The following PLEKHG4 variants were observed in gnomAD, a reference collection of about 807,000 sequenced individuals.
PLEKHG4 encodes the protein pleckstrin homology and RhoGEF domain containing G4, also known as puratrophin-1.
Under a neutral mutation model 136.9 loss-of-function variants are expected in PLEKHG4, and 85 were observed. That is an observed-to-expected ratio of 0.62 (90% confidence interval 0.52 to 0.74). PLEKHG4 has a LOEUF of 0.74. Among genes scored for constraint, PLEKHG4 ranks in the 30% least tolerant of loss-of-function variants. The pLI is 0.00. For missense variants in PLEKHG4, 1,317 were observed against 1,527.8 expected (o/e 0.86, Z 2.30); for synonymous variants, 577 against 646.9 (o/e 0.89, Z 1.64).
At position 67,281,798 on chromosome 16, in the gene PLEKHG4, C is replaced by G. The variant is rs2036240483; in HGVS notation, c.966C>G (p.Gly322=). Residue 322 remains glycine, a synonymous_variant, in exon 7 of 22, where the codon GGC becomes GGG. Transcript: ENST00000379344. ...TAGLPTSLGG[G]LPYCHQAWLD... ...GGCTGCCCACTTCGCTAGGAGGAGG[C>G]CTGCCTTACTGCCACCAGGCCTGGC... 2.5e-6 allele frequency: 4 copies of G among 1,613,574 alleles called. No individual in the cohort carries two copies. The highest frequency in any genetic ancestry group is 1.7e-5 in the Admixed American group (1 of 60,008).
chr16:67,285,176 T>C lies in PLEKHG4; in HGVS notation c.2156T>C (p.Val719Ala). The C allele has an allele frequency of 2.5e-6, 4 of 1,613,530 alleles. No homozygotes were observed. Among genetic ancestry groups the C allele is most frequent in the Non-Finnish European group, 2.5e-6 (3 of 1,179,982 alleles). ...GCCCTGCCCCAGGCATCCCCTACTGTGCCTCCACCAGGCAGCTCTGACCCC... is the reference window on the plus strand; with the variant it reads ...GCCCTGCCCCAGGCATCCCCTACTGCGCCTCCACCAGGCAGCTCTGACCCC... Reference protein sequence around the residue: ...GGALPQASPTVPPPGSSDPRS... With the variant: ...GGALPQASPTAPPPGSSDPRS... The change falls in exon 13 of 22, where the codon GTG (valine) becomes GCG (alanine). Residue 719 changes from valine (V) to alanine (A), a missense_variant. Val to Ala is a moderately conservative substitution (Grantham distance 64). Coordinates refer to ENST00000379344, the MANE Select transcript of PLEKHG4 (RefSeq NM_001129729.3).
chr16:67,286,147 G>T lies in PLEKHG4; in HGVS notation c.2443-127G>T, dbSNP rs1337720331. ...GTTCAAAGCAGGGAAGACTGGGTCTGTAGGGGAGGCCTCCCTAAGAGGCAT... is the reference window on the plus strand; with the variant it reads ...GTTCAAAGCAGGGAAGACTGGGTCTTTAGGGGAGGCCTCCCTAAGAGGCAT... On this transcript the variant is annotated intron_variant, in intron 14 of 21. Transcript: ENST00000379344. 7 of 744,382 alleles carry T rather than the reference G, an allele frequency of 9.4e-6. No homozygotes were observed. The Admixed American group carries it at 1.3e-4, about 14-fold the overall frequency. The allele number at this position is 744,382 out of a possible 1,614,324, so 46.1% of individuals were successfully genotyped here.
In PLEKHG4 at chr16:67,280,017, C is replaced by T. The variant is rs1428814851; in HGVS notation, c.-28C>T. On this transcript the variant is annotated 5_prime_UTR_variant, in exon 2 of 22. Coordinates refer to ENST00000379344, the MANE Select transcript of PLEKHG4 (RefSeq NM_001129729.3). This position sits in a 1 kb window ranked among gnomAD's most constrained non-coding sequence, Gnocchi z 4.4. ...AGACCCAGCCCTCTCCCGCTGGCCC[C>T]GAGCAGGCCCACCTTTAGGAGGGCG... 2.5e-6 allele frequency: 4 copies of T among 1,608,306 alleles called. No homozygotes were observed. The highest frequency in any genetic ancestry group is 2.2e-5 in the East Asian group (1 of 44,700).
Position 67,287,141 on chromosome 16 carries a change from T to G in PLEKHG4, c.3067T>G (p.Ser1023Ala). The G allele has an allele frequency of 6.2e-7, 1 of 1,610,836 alleles. No individual in the cohort carries two copies. Among genetic ancestry groups the G allele is most frequent in the Non-Finnish European group, 8.5e-7 (1 of 1,180,016 alleles). The part of the protein sequence containing the change: ...AIKQAWTADI[S>A]HLLWRQAVHN... Reference sequence around the variant, plus strand: ...CAAGCAGGCCTGGACAGCTGACATCTCCCACCTGCTTTGGAGGCAGGCCGT... The same window carrying G: ...CAAGCAGGCCTGGACAGCTGACATCGCCCACCTGCTTTGGAGGCAGGCCGT... Residue 1023 changes from serine (S) to alanine (A), a missense_variant, in exon 18 of 22, where the codon TCC becomes GCC. Physicochemically the swap from Ser to Ala is moderately conservative, Grantham distance 99. Coordinates refer to ENST00000379344, the MANE Select transcript of PLEKHG4 (RefSeq NM_001129729.3).
chr16:67,286,131 A>C, intron 14 of PLEKHG4, 143 bp from the exon 15 acceptor site: 1 of 713,504 alleles, frequency 1.4e-6, no homozygotes, highest in Non-Finnish European at 2.6e-6. Context: ...TGTTCAAAGC[A>C]GGGAAGACTG....
chr16:67,288,213 C>T lies in PLEKHG4; in HGVS notation c.3267C>T (p.Asp1089=). The change falls in exon 20 of 22, where the codon GAC becomes GAT. Residue 1089 remains aspartate (D), a synonymous_variant. Coordinates refer to ENST00000379344, the MANE Select transcript of PLEKHG4 (RefSeq NM_001129729.3). ...ASIAVAPFDH[D]SLYLGASNSL... ...TTGCCGTAGCCCCGTTTGACCATGA[C>T]AGCCTCTACCTGGGGGCCTCGAACT... 6.2e-7 allele frequency: 1 copy of T among 1,614,098 alleles called. No homozygotes were observed. Among genetic ancestry groups the T allele is most frequent in the Non-Finnish European group, 8.5e-7 (1 of 1,180,006 alleles).
In PLEKHG4 at chr16:67,288,399, G is replaced by C. The variant is rs553521262; in HGVS notation, c.3453G>C (p.Leu1151Phe). Residue 1151 changes from leucine to phenylalanine, a missense_variant and splice_region_variant, in exon 20 of 22, where the codon TTG (leucine) becomes TTC (phenylalanine). Coordinates refer to ENST00000379344, the MANE Select transcript of PLEKHG4 (RefSeq NM_001129729.3). ...AEAELGGQPS[L>F]TAEDSEISSQ... ...CAGAGCTGGGCGGCCAGCCCTCTTT[G>C]AGTATGTCTGGGCCTAGCCAGAGGC... The C allele has an allele frequency of 2.4e-5, 39 of 1,612,256 alleles. No homozygotes were observed. In the South Asian group the frequency reaches 4.2e-4, roughly 17 times the overall value.
Position 67,284,315 on chromosome 16 carries a change from C to G in PLEKHG4, c.1550C>G (p.Thr517Ser). 1.2e-6 allele frequency: 2 copies of G among 1,613,928 alleles called. No individual in the cohort carries two copies. Among genetic ancestry groups the G allele is most frequent in the Non-Finnish European group, 8.5e-7 (1 of 1,179,940 alleles). Reference protein sequence around the residue: ...RQGEKFLQPLTGWEAAELDPP... With the variant: ...RQGEKFLQPLSGWEAAELDPP... ...GGGGAGAAGTTTCTGCAGCCGCTGA[C>G]TGGCTGGGAGGCGGCTGAACTGGAC... Residue 517 changes from threonine to serine, a missense_variant, in exon 12 of 22, where the codon ACT (threonine) becomes AGT (serine). By Grantham distance (58) the Thr-to-Ser change is moderately conservative. Coordinates refer to ENST00000379344, the MANE Select transcript of PLEKHG4 (RefSeq NM_001129729.3). The surrounding 1 kb of genome is among the most constrained non-coding windows in gnomAD (Gnocchi z 4.4).
In PLEKHG4 at chr16:67,280,105, T is replaced by C. The variant is rs1178159184; in HGVS notation, c.61T>C (p.Trp21Arg). Residue 21 changes from tryptophan (W) to arginine (R), a missense_variant, in exon 2 of 22, where the codon TGG becomes CGG. By Grantham distance (101) the Trp-to-Arg change is moderately radical (BLOSUM62 -3). Transcript: ENST00000379344. The surrounding 1 kb of genome is among the most constrained non-coding windows in gnomAD (Gnocchi z 4.4). Reference sequence around the variant, plus strand: ...AGACTCTCAGGGCCATGCCACCGACTGGAGATTTGCTGTGTGCAGTTTCAG... The same window carrying C: ...AGACTCTCAGGGCCATGCCACCGACCGGAGATTTGCTGTGTGCAGTTTCAG... ...SPDSQGHATD[W>R]RFAVCSFRDA... is the part of the protein sequence containing the mutation. 2.5e-6 allele frequency: 4 copies of C among 1,613,680 alleles called. No individual in the cohort carries two copies. The highest frequency in any genetic ancestry group is 3.4e-6 in the Non-Finnish European group (4 of 1,179,892).
chr16:67,281,551 C>T lies in PLEKHG4; in HGVS notation c.814-16C>T. 1 of 1,609,510 alleles carries T rather than the reference C, an allele frequency of 6.2e-7. No individual in the cohort carries two copies. The highest frequency in any genetic ancestry group is 1.7e-5 in the Admixed American group (1 of 59,948). ...CTGTAGAGTTGGGGATAGTGCTGAG[C>T]TCAGGTTCCTTGCAGGAAGCAGCCC... On this transcript the variant is annotated splice_polypyrimidine_tract_variant and intron_variant, in intron 5 of 21. Transcript: ENST00000379344.
Position 67,288,833 on chromosome 16 carries a change from TC to T in PLEKHG4, c.*27del, listed in dbSNP as rs1472875228. The T allele has an allele frequency of 1.2e-6, 2 of 1,612,876 alleles. No homozygotes were observed. Among genetic ancestry groups the T allele is most frequent in the Non-Finnish European group, 1.7e-6 (2 of 1,179,482 alleles). On this transcript the variant is annotated 3_prime_UTR_variant, in exon 22 of 22. Transcript: ENST00000379344. ...AGCCCGGGACTGGACGAGCAGTAGA[TC>T]CAGCAGCCTGCAGCTCCAAGGAACA...
chr16:67,282,883 C>T (rs1248758534), intron 11 of PLEKHG4, 25 bp downstream of exon 11: 15 of 1,514,982 alleles, frequency 9.9e-6, no homozygotes, highest in Non-Finnish European at 1.4e-5. Flanking sequence ...TTGTTCATGC[C>T]ACGGGTATTG....
chr16:67,282,475 G>T (rs752184729), intron 9 of PLEKHG4, 28 bp from the exon 10 acceptor site: 3 of 1,613,776 alleles, frequency 1.9e-6, no homozygotes, highest in Admixed American at 1.7e-5. Context: ...GCAAGGCAGG[G>T]GGTCTAAGAT....
rs764015407 is a variant in PLEKHG4, at chr16:67,280,923, G to A, written c.637G>A (p.Ala213Thr). ...AGGCCGGGCAGTGCTGCTTCTGTGTGCCCACAGCCCAGCCTGGCTTCAGTC... is the reference window on the plus strand; with the variant it reads ...AGGCCGGGCAGTGCTGCTTCTGTGTACCCACAGCCCAGCCTGGCTTCAGTC... ...VQGRAVLLLC[A>T]HSPAWLQSEC... Residue 213 changes from alanine to threonine, a missense_variant, in exon 4 of 22, where the codon GCC becomes ACC. Ala to Thr is a moderately conservative substitution (Grantham distance 58). Transcript: ENST00000379344. This position sits in a 1 kb window ranked among gnomAD's most constrained non-coding sequence, Gnocchi z 4.4. The A allele has an allele frequency of 3.1e-6, 5 of 1,612,886 alleles. No homozygotes were observed. The East Asian group carries it at 1.1e-4, about 36-fold the overall frequency.
Position 67,280,193 on chromosome 16 carries a change from G to T in PLEKHG4, c.149G>T (p.Arg50Ile). Reference protein sequence around the residue: ...QMHVKDPGPPRPPAGATQDEE... With the variant: ...QMHVKDPGPPIPPAGATQDEE... ...CACGTTAAGGACCCAGGTCCTCCAA[G>T]ACCACCAGCCGGGGCCACCCAGGAT... Residue 50 changes from arginine (R) to isoleucine (I), a missense_variant, in exon 2 of 22, where the codon AGA (arginine) becomes ATA (isoleucine). Arg to Ile is a moderately conservative substitution (Grantham distance 97, BLOSUM62 -3). Transcript: ENST00000379344. The surrounding 1 kb of genome is among the most constrained non-coding windows in gnomAD (Gnocchi z 4.4). The T allele has an allele frequency of 6.2e-7, 1 of 1,613,910 alleles. No homozygotes were observed. The highest frequency in any genetic ancestry group is 1.1e-5 in the South Asian group (1 of 91,086).
At chr16:67,283,410 A>G (rs150182085) in intron 11 of PLEKHG4, among the ~76,000 whole-genome samples, 10 of 152,246 alleles carry the variant, frequency 6.6e-5, no homozygotes, top group Non-Finnish European at 1.2e-4. Context: ...TCAGATCCAT[A>G]TTCTAGGAAG....
intron 11 of PLEKHG4, 69 bp downstream of exon 11, chr16:67,282,927 G>A: frequency 9.1e-7 from 1 of 1,104,588 alleles, no homozygotes; most frequent in Non-Finnish European, 1.4e-6. Flanking sequence ...ATGCAGAACT[G>A]TGTGAAAGCA....
In PLEKHG4 at chr16:67,285,321, A is replaced by G. The variant is rs1221926517; in HGVS notation, c.2227A>G (p.Thr743Ala). ...LQLVLAEMVA[T>A]EREYVRALEY... ...GCTGGTGCTGGCAGAGATGGTGGCC[A>G]CGGAGCGGGAGTATGTCCGGGCTCT... Residue 743 changes from threonine (T) to alanine (A), a missense_variant, in exon 14 of 22, where the codon ACG becomes GCG. Thr to Ala is a moderately conservative substitution (Grantham distance 58). Coordinates refer to ENST00000379344, the MANE Select transcript of PLEKHG4 (RefSeq NM_001129729.3). 2.5e-6 allele frequency: 4 copies of G among 1,614,062 alleles called. No homozygotes were observed. Among genetic ancestry groups the G allele is most frequent in the East Asian group, 2.2e-5 (1 of 44,898 alleles).
intron 6 of PLEKHG4, 31 bp from the exon 7 acceptor site, chr16:67,281,693 G>A: frequency 6.2e-7 from 1 of 1,613,332 alleles, no homozygotes; most frequent in Non-Finnish European, 8.5e-7. Flanking sequence ...CTCCCCCCAG[G>A]CCTGGGTCAC....
Sources: gnomAD v4.1 joint callset for allele counts (sites outside exome capture counted in the v4.1 genomes callset) on GRCh38, gnomAD v4.1.1 for gene constraint, Gnocchi (gnomAD v3.1) non-coding constraint, MANE v1.5 for transcripts, NCBI Gene and HGNC (gene_info 2026-07-23, HGNC 2026-07-21) for gene names.